Variants in SUGP2 observed in about 807,000 individuals in gnomAD.
The protein encoded by SUGP2 is SURP and G-patch domain-containing protein 2.
SUGP2 carries 24 observed loss-of-function variants against 90.5 expected under a neutral mutation model. The ratio of observed to expected loss-of-function variants is 0.27; its 90% CI spans 0.19 to 0.37. The LOEUF (loss-of-function observed/expected upper bound fraction) is 0.37. Ranked by LOEUF, SUGP2 falls within the 10% of genes least tolerant of loss-of-function variation. SUGP2 has a pLI of 1.00. For missense variants in SUGP2, 1,233 were observed against 1,363.3 expected, an observed-to-expected ratio of 0.90 and a Z score of 1.51; for synonymous variants, 473 against 513.4, an observed-to-expected ratio of 0.92 and a Z score of 1.06.
In SUGP2 at chr19:18,995,203, G is replaced by C; in HGVS notation, c.3069C>G (p.Gly1023=). The change falls in exon 9 of 11, where the codon GGC becomes GGG. Residue 1023 remains glycine, a synonymous_variant. Coordinates refer to ENST00000452918, the MANE Select transcript of SUGP2 (RefSeq NM_001017392.5). ...AGCCCAGGCCATGGCCCTCCTTCCA[G>C]CCCATCTTCTGCAGCATCTGGAAGC... ...NLGFQMLQKM[G]WKEGHGLGSL... 1 of 1,611,924 alleles carries C rather than the reference G, an allele frequency of 6.2e-7. No homozygotes were observed. The highest frequency in any genetic ancestry group is 8.5e-7 in the Non-Finnish European group (1 of 1,179,334).
intron 6 of SUGP2, among the ~76,000 whole-genome samples, chr19:19,008,058 T>C (rs2058156790): frequency 6.6e-6 from 1 of 152,142 alleles, no homozygotes; most frequent in Non-Finnish European, 1.5e-5. Context: ...CATGACTTAC[T>C]CCTGGTATAA....
chr19:18,999,042 TCC>T (rs2057727610), intron 8 of SUGP2: 1 of 152,158 alleles, frequency 6.6e-6, no homozygotes, highest in Non-Finnish European at 1.5e-5. Flanking sequence ...GGCACAGGGG[TCC>T]CCAGAGGGCA....
Position 19,031,058 on chromosome 19 carries a change from C to G in SUGP2, c.14G>C (p.Arg5Pro). The change falls in exon 2 of 11, where the codon CGA becomes CCA. Residue 5 changes from arginine (R) to proline (P), a missense_variant. Physicochemically the swap from Arg to Pro is moderately radical, Grantham distance 103 (BLOSUM62 -2). Coordinates refer to ENST00000452918, the MANE Select transcript of SUGP2 (RefSeq NM_001017392.5). Reference sequence around the variant, plus strand: ...AGCATCAAAAGTCTCCTGTGTAATTCGTCTGGCTGCCATGTTATTTTGCCC... The same window carrying G: ...AGCATCAAAAGTCTCCTGTGTAATTGGTCTGGCTGCCATGTTATTTTGCCC... MAAR[R>P]ITQETFDAVL... 6.2e-7 allele frequency: 1 copy of G among 1,612,276 alleles called. No homozygotes were observed. The highest frequency in any genetic ancestry group is 8.5e-7 in the Non-Finnish European group (1 of 1,179,656).
chr19:19,001,465 A>T lies in SUGP2; in HGVS notation c.2991+148T>A. 1.1e-5 allele frequency: 9 copies of T among 813,200 alleles called. No individual in the cohort carries two copies. The South Asian group carries it at 1.4e-4, about 13-fold the overall frequency. 50.4% of individuals were successfully genotyped at this position (813,200 alleles called of 1,614,324 possible). On this transcript the variant is annotated intron_variant, in intron 8 of 10. Transcript: ENST00000452918. ...CAAAACAGTTTTCAAAAGCCCTCCC[A>T]AGAGAAAAGTCTCTGTTGTGTTTTA...
In SUGP2 at chr19:19,004,360, C is replaced by T; in HGVS notation, c.2737G>A (p.Gly913Ser). 6.2e-7 allele frequency: 1 copy of T among 1,613,494 alleles called. No individual in the cohort carries two copies. The highest frequency in any genetic ancestry group is 8.5e-7 in the Non-Finnish European group (1 of 1,179,676). Residue 913 changes from glycine to serine, a missense_variant, in exon 7 of 11, where the codon GGC (glycine) becomes AGC (serine). Transcript: ENST00000452918. ...GEEAPAPGGA[G>S]KSEGSTPADG... is the part of the protein sequence containing the mutation. ...GCAGGGGTGCTGCCCTCAGACTTGC[C>T]CGCCCCTCCAGGAGCGGGGGCCTCC...
chr19:19,001,038 C>T (rs879603222), intron 8 of SUGP2, among the ~76,000 whole-genome samples: 4 of 144,162 alleles, frequency 2.8e-5, no homozygotes, highest in African/African-American at 5.2e-5. Flanking sequence ...TTTTTTGAGA[C>T]GGAGTCTCAC....
chr19:19,003,916 C>G (rs2057949137), intron 7 of SUGP2, among the ~76,000 whole-genome samples: 1 of 152,162 alleles, frequency 6.6e-6, no homozygotes, highest in African/African-American at 2.4e-5. Flanking sequence ...TTGGGGATGC[C>G]CCGACCTGAA....
intron 3 of SUGP2, among the ~76,000 whole-genome samples, chr19:19,023,176 C>T (rs2058792770): frequency 6.6e-6 from 1 of 152,136 alleles, no homozygotes; most frequent in African/African-American, 2.4e-5. Flanking sequence ...GTGAGTAGGG[C>T]GAAAAGGTGT....
Position 19,010,107 on chromosome 19 carries a change from C to G in SUGP2, c.2086G>C (p.Ala696Pro), listed in dbSNP as rs2058248926. 1 of 1,605,340 alleles carries G rather than the reference C, an allele frequency of 6.2e-7. No homozygotes were observed. Among genetic ancestry groups the G allele is most frequent in the African/African-American group, 1.4e-5 (1 of 72,716 alleles). Residue 696 changes from alanine to proline, a missense_variant, in exon 5 of 11, where the codon GCG becomes CCG. By Grantham distance (27) the Ala-to-Pro change is conservative. Transcript: ENST00000452918. ...QGLRGWKARR[A>P]TTGTQTLLSS... is the part of the protein sequence containing the mutation. ...AGGAGGGTCTGGGTCCCGGTGGTCG[C>G]TCTCCTCGCCTTCCAGCCCCGGAGC...
chr19:19,033,159 G>A, intron 1 of SUGP2: 1 of 191,502 alleles, frequency 5.2e-6, no homozygotes, highest in Non-Finnish European at 1.0e-5. Context: ...AGCGGGGGCC[G>A]CTCCGAGTTC....
At chr19:19,011,364 T>C (rs2058306648) in intron 4 of SUGP2, among the ~76,000 whole-genome samples, 1 of 151,832 alleles carries the variant, frequency 6.6e-6, no homozygotes, top group African/African-American at 2.4e-5. Context: ...CCTAGGCTGA[T>C]CTCAAACTCT....
chr19:19,003,037 G>A (rs763288909), intron 7 of SUGP2, among the ~76,000 whole-genome samples: 8 of 151,974 alleles, frequency 5.3e-5, no homozygotes, highest in Non-Finnish European at 8.8e-5. Context: ...TCAAGCTCCC[G>A]GGCTCAAGCG....
At chr19:19,011,532 C>T (rs1390577336) in intron 4 of SUGP2, among the ~76,000 whole-genome samples, 1 of 152,142 alleles carries the variant, frequency 6.6e-6, no homozygotes, top group African/African-American at 2.4e-5. Flanking sequence ...TTCTTCTTGC[C>T]ACTTCCTTCT....
In SUGP2 at chr19:19,024,833, T is replaced by C. The variant is rs2058861270; in HGVS notation, c.1515A>G (p.Gln505=). 1.2e-6 allele frequency: 2 copies of C among 1,614,088 alleles called. No individual in the cohort carries two copies. Among genetic ancestry groups the C allele is most frequent in the African/African-American group, 1.3e-5 (1 of 74,934 alleles). ...ACGCAGCAGGTGAGGGAGCTATATC[T>C]TGCAGGCCGACAGCTTCTAAGATTT... is the stretch of plus-strand genomic sequence containing the variant. The part of the protein sequence containing the change: ...QEKILEAVGL[Q]DIAPSPAAFP... Residue 505 remains glutamine (Q), a synonymous_variant, in exon 3 of 11, where the codon CAA becomes CAG. Transcript: ENST00000452918.
At chr19:18,994,591 C>T in intron 9 of SUGP2, 105 bp from the exon 10 acceptor site, 1 of 1,452,768 alleles carries the variant, frequency 6.9e-7, no homozygotes, top group Non-Finnish European at 9.4e-7. Context: ...GTGTTTGGGA[C>T]ACACACTGAG....
chr19:19,006,466 C>A (rs1297754979), intron 6 of SUGP2, among the ~76,000 whole-genome samples: 1 of 152,042 alleles, frequency 6.6e-6, no homozygotes, highest in African/African-American at 2.4e-5. Context: ...CTCTGAAGGA[C>A]ACTGCTCAGA....
intron 3 of SUGP2, 59 bp from the exon 4 acceptor site, chr19:19,019,288 G>A (rs912979068): frequency 1.9e-5 from 30 of 1,560,876 alleles, no homozygotes; most frequent in East Asian, 6.8e-5. Context: ...CTGAGAAGAC[G>A]AGGATAGTTG....
At position 19,004,321 on chromosome 19, in the gene SUGP2, C is replaced by T. The variant is rs368160175; in HGVS notation, c.2776G>A (p.Gly926Ser). Residue 926 changes from glycine (G) to serine (S), a missense_variant, in exon 7 of 11, where the codon GGC becomes AGC. Around this residue, in one of 8 missense-constraint regions of SUGP2, gnomAD observed 105 missense variants for 155.2 expected, o/e 0.68. Transcript: ENST00000452918. The part of the protein sequence containing the change: ...EGSTPADGLP[G>S]EAAEDDLAGA... ...GCCAGGTCGTCCTCGGCAGCCTCGCCGGGAAGGCCGTCGGCAGGGGTGCTG... is the reference window on the plus strand; with the variant it reads ...GCCAGGTCGTCCTCGGCAGCCTCGCTGGGAAGGCCGTCGGCAGGGGTGCTG... 31 of 1,613,422 alleles carry T rather than the reference C, an allele frequency of 1.9e-5. No homozygotes were observed. The highest frequency in any genetic ancestry group is 1.6e-4 in the Middle Eastern group (1 of 6,082).
chr19:19,011,788 G>A (rs1339628982), intron 4 of SUGP2, among the ~76,000 whole-genome samples: 1 of 152,078 alleles, frequency 6.6e-6, no homozygotes, highest in East Asian at 1.9e-4. Flanking sequence ...CTTGAGCCCA[G>A]GAGTTCAAGA....
Sources: gnomAD v4.1 joint callset for allele counts (sites outside exome capture counted in the v4.1 genomes callset) on GRCh38, gnomAD v4.1.1 for gene constraint, gnomAD v4.1.1 regional missense constraint, MANE v1.5 for transcripts, NCBI Gene and HGNC (gene_info 2026-07-23, HGNC 2026-07-21) for gene names.